RPS6KL1: variants seen among roughly 807,000 people sequenced by gnomAD.
RPS6KL1 encodes ribosomal protein S6 kinase-like 1.
A neutral mutation model predicts 57.0 loss-of-function variants in RPS6KL1; 41 were observed. The observed-to-expected ratio is 0.72, with a 90% CI of 0.56 to 0.93. RPS6KL1 has a LOEUF of 0.93. Among genes scored for constraint, RPS6KL1 ranks in the 40% least tolerant of loss-of-function variants. The pLI is 0.00. For missense variants in RPS6KL1, 697 were observed against 727.7 expected, an observed-to-expected ratio of 0.96 and a Z score of 0.49; for synonymous variants, 287 against 309.7, an observed-to-expected ratio of 0.93 and a Z score of 0.77.
At chr14:74,907,267 T>A in intron 11 of RPS6KL1, 143 bp from the exon 12 acceptor site, 6 of 1,373,978 alleles carry the variant, frequency 4.4e-6, no homozygotes, top group Non-Finnish European at 5.9e-6. Context: ...CCTGGGAACA[T>A]TGGTGGTGGT....
At chr14:74,919,782 T>A (rs539288109) in intron 4 of RPS6KL1, 63 bp downstream of exon 4, 1 of 1,576,170 alleles carries the variant, frequency 6.3e-7, no homozygotes, top group African/African-American at 1.3e-5. Context: ...TGTCGGGGCC[T>A]CCGCAGTCTC....
intron 5 of RPS6KL1, among the ~76,000 whole-genome samples, chr14:74,914,932 G>T (rs548903043): frequency 5.0e-4 from 76 of 152,336 alleles, no homozygotes; most frequent in Non-Finnish European, 8.8e-4. Context: ...GGCTGGTCTT[G>T]AACTCCTGAC....
intron 7 of RPS6KL1, chr14:74,910,459 G>A (rs972329829): frequency 4.0e-5 from 10 of 252,116 alleles, no homozygotes; most frequent in African/African-American, 2.2e-4. Flanking sequence ...TTTTTAGGGA[G>A]ACCGATATAA....
Position 74,909,032 on chromosome 14 carries a change from A to C in RPS6KL1, c.1360+69T>G, listed in dbSNP as rs1885411930. 3 of 1,586,146 alleles carry C rather than the reference A, an allele frequency of 1.9e-6. No homozygotes were observed. In the African/African-American group the frequency reaches 4.0e-5, roughly 21 times the overall value. On this transcript the variant is annotated intron_variant, in intron 9 of 11. Coordinates refer to ENST00000557413, the MANE Select transcript of RPS6KL1 (RefSeq NM_031464.5). ...ACCACCCACCCGCTCTGTCATTCTC[A>C]GACTCTGGGCACAACCCACACAAAG...
At chr14:74,912,009 T>G (rs1475974457) in intron 5 of RPS6KL1, among the ~76,000 whole-genome samples, 168 bp from the exon 6 acceptor site, 1 of 152,124 alleles carries the variant, frequency 6.6e-6, no homozygotes, top group African/African-American at 2.4e-5. Flanking sequence ...GATCCTATCC[T>G]GCTCACCCAC....
chr14:74,919,271 G>GT (rs1887381220), intron 4 of RPS6KL1, among the ~76,000 whole-genome samples: 1 of 152,238 alleles, frequency 6.6e-6, no homozygotes, highest in Non-Finnish European at 1.5e-5. Flanking sequence ...CCTACTTTGG[G>GT]GAAAGGCAGC....
chr14:74,909,818 C>G lies in RPS6KL1; in HGVS notation c.995G>C (p.Arg332Thr). ...PGGHLHLQAR[R>T]AGQNSDAGPP... ...CCCAGCGTCTGAGTTCTGGCCAGCC[C>G]TCCTAGCTTGAAGGTGCAGGTGGCC... The change falls in exon 8 of 12, where the codon AGG becomes ACG. Residue 332 changes from arginine to threonine, a missense_variant. Transcript: ENST00000557413. The G allele has an allele frequency of 6.2e-7, 1 of 1,609,434 alleles. No individual in the cohort carries two copies. Among genetic ancestry groups the G allele is most frequent in the Non-Finnish European group, 8.5e-7 (1 of 1,177,728 alleles).
At chr14:74,920,291 T>G (rs538086381) in intron 3 of RPS6KL1, among the ~76,000 whole-genome samples, 3 of 152,298 alleles carry the variant, frequency 2.0e-5, no homozygotes, top group African/African-American at 7.2e-5. Context: ...TCCCCATCCA[T>G]TTTTTCAGAG....
Position 74,909,600 on chromosome 14 carries a change from C to T in RPS6KL1, c.1213G>A (p.Glu405Lys), listed in dbSNP as rs749369105. 4.3e-6 allele frequency: 7 copies of T among 1,612,496 alleles called. No homozygotes were observed. Among genetic ancestry groups the T allele is most frequent in the East Asian group, 2.2e-5 (1 of 44,886 alleles). The change falls in exon 8 of 12, where the codon GAG becomes AAG. Residue 405 changes from glutamate to lysine, a missense_variant. Physicochemically the swap from Glu to Lys is moderately conservative, Grantham distance 56. Transcript: ENST00000557413. The part of the protein sequence containing the change: ...EMLVALEALH[E>K]QGVLCRDLHP... ...AGGTCCCGGCACAGCACCCCCTGCT[C>T]GTGCAGCGCCTCCAGCGCTACCAGC... is the stretch of plus-strand genomic sequence containing the variant.
At chr14:74,912,430 T>C (rs1020870257) in intron 5 of RPS6KL1, among the ~76,000 whole-genome samples, 4 of 151,828 alleles carry the variant, frequency 2.6e-5, no homozygotes, top group Non-Finnish European at 4.4e-5. Context: ...TGAGAAGCCC[T>C]GTTCCAACTG....
rs1441279020 is a variant in RPS6KL1 at position 74,921,465 on chromosome 14, G to C, written c.77C>G (p.Ala26Gly). 3 of 1,614,038 alleles carry C rather than the reference G, an allele frequency of 1.9e-6. No homozygotes were observed. Among genetic ancestry groups the C allele is most frequent in the Admixed American group, 1.7e-5 (1 of 59,950 alleles). ...PEPCSRARSQ[A>G]HVYLEQIRNR... ...GCGAATCTGCTCCAGGTACACGTGAGCTTGGGACCGTGCTCGTGAGCAAGG... is the reference window on the plus strand; with the variant it reads ...GCGAATCTGCTCCAGGTACACGTGACCTTGGGACCGTGCTCGTGAGCAAGG... Residue 26 changes from alanine to glycine, a missense_variant, in exon 3 of 12, where the codon GCT (alanine) becomes GGT (glycine). Physicochemically the swap from Ala to Gly is moderately conservative, Grantham distance 60. Transcript: ENST00000557413.
chr14:74,906,383 T>C lies in RPS6KL1; in HGVS notation c.*631A>G. 3.8e-6 allele frequency: 1 copy of C among 260,366 alleles called. No individual in the cohort carries two copies. Among genetic ancestry groups the C allele is most frequent in the Non-Finnish European group, 7.2e-6 (1 of 139,236 alleles). 16.1% of individuals were successfully genotyped at this position (260,366 alleles called of 1,614,324 possible). A position where few individuals can be genotyped will look rare whatever the true frequency, so the allele number is the denominator to read the frequency against. The stretch of plus-strand genomic sequence containing the variant: ...CTCTCCCAAGTCTGAAATCACAAGA[T>C]AGGGGGCATGGTCAGGAATCGGGGG... On this transcript the variant is annotated 3_prime_UTR_variant, in exon 12 of 12. Transcript: ENST00000557413.
At chr14:74,913,666 C>G (rs1566824611) in intron 5 of RPS6KL1, among the ~76,000 whole-genome samples, 1 of 152,206 alleles carries the variant, frequency 6.6e-6, no homozygotes, top group Non-Finnish European at 1.5e-5. Context: ...CCTCTCTGAA[C>G]CTTGCTCTTT....
At chr14:74,911,408 C>T in intron 6 of RPS6KL1, 28 bp from the exon 7 acceptor site, 1 of 1,592,670 alleles carries the variant, frequency 6.3e-7, no homozygotes, top group Non-Finnish European at 8.5e-7. Context: ...GGCAGATCAG[C>T]CGGGGACAGG....
chr14:74,909,429 C>A (rs1885508511), intron 8 of RPS6KL1, 114 bp downstream of exon 8: 1 of 1,383,796 alleles, frequency 7.2e-7, no homozygotes, highest in South Asian at 1.4e-5. Flanking sequence ...GAAAGGCTGG[C>A]TGGGGCCAGG....
chr14:74,911,323 C>T lies in RPS6KL1; in HGVS notation c.589G>A (p.Val197Ile). The change falls in exon 7 of 12, where the codon GTC becomes ATC. Residue 197 changes from valine (V) to isoleucine (I), a missense_variant. Transcript: ENST00000557413. ...RERLTIIPHG[V>I]PYMTKLLRYF... ...CTGAGCAGCTTCGTCATGTAGGGGA[C>T]TCCGTGTGGGATGATGGTCAGCCGC... 2 of 1,612,112 alleles carry T rather than the reference C, an allele frequency of 1.2e-6. No homozygotes were observed. Among genetic ancestry groups the T allele is most frequent in the Non-Finnish European group, 1.7e-6 (2 of 1,179,970 alleles).
rs1887973884 is a variant in RPS6KL1, at chr14:74,922,259, G to A, written c.-302C>T. 2.0e-6 allele frequency: 2 copies of A among 985,840 alleles called. No homozygotes were observed. Among genetic ancestry groups the A allele is most frequent in the Non-Finnish European group, 2.4e-6 (2 of 830,318 alleles). The allele number at this position is 985,840 out of a possible 1,614,324, so 61.1% of individuals were successfully genotyped here. On this transcript the variant is annotated 5_prime_UTR_variant, in exon 2 of 12. Coordinates refer to ENST00000557413, the MANE Select transcript of RPS6KL1 (RefSeq NM_031464.5). ...CAGCACATGGAGGCCACACACGCTG[G>A]GCTCAAATGCTGTTCCTCATGCTGT...
intron 3 of RPS6KL1, among the ~76,000 whole-genome samples, chr14:74,920,919 T>C (rs1284039985): frequency 6.6e-6 from 1 of 152,186 alleles, no homozygotes; most frequent in Non-Finnish European, 1.5e-5. Flanking sequence ...TTGATAGCTG[T>C]GGAGCCTTGA....
Position 74,906,502 on chromosome 14 carries a change from G to T in RPS6KL1, c.*512C>A. 1 of 485,128 alleles carries T rather than the reference G, an allele frequency of 2.1e-6. No homozygotes were observed. The highest frequency in any genetic ancestry group is 4.3e-6 in the Non-Finnish European group (1 of 232,276). 30.1% of individuals were successfully genotyped at this position (485,128 alleles called of 1,614,324 possible). ...TGCTTCTGGGCCTCCCCAGCTGCAC[G>T]AACAGCTTCTGGTGGAAGAGGCCTA... is the stretch of plus-strand genomic sequence containing the variant. On this transcript the variant is annotated 3_prime_UTR_variant, in exon 12 of 12. Transcript: ENST00000557413.
Sources: gnomAD v4.1 joint callset for allele counts (sites outside exome capture counted in the v4.1 genomes callset) on GRCh38, gnomAD v4.1.1 for gene constraint, MANE v1.5 for transcripts, NCBI Gene and HGNC (gene_info 2026-07-23, HGNC 2026-07-21) for gene names.